Variants in ICA1 observed in about 807,000 individuals in gnomAD.
The protein encoded by ICA1 is islet cell autoantigen 1.
Under a neutral mutation model 71.0 loss-of-function variants are expected in ICA1, and 40 were observed. The observed-to-expected ratio is 0.56, with a 90% confidence interval of 0.44 to 0.73. The LOEUF (loss-of-function observed/expected upper bound fraction) is 0.73, where lower values mean the gene tolerates loss of function less well. ICA1 is among the 30% of genes least tolerant of loss of function. The pLI is 0.00. For missense variants in ICA1, 578 were observed against 576.5 expected (o/e 1.00, Z -0.03); for synonymous variants, 207 against 209.5 (o/e 0.99, Z 0.10).
chr7:8,169,728 A>G (rs1217046802), intron 6 of ICA1, among the ~76,000 whole-genome samples: 1 of 152,086 alleles, frequency 6.6e-6, no homozygotes, highest in Non-Finnish European at 1.5e-5. Flanking sequence ...AGTTCTTTAT[A>G]TGTTCTAAAT....
chr7:8,228,443 T>C (rs1170808609), intron 4 of ICA1, among the ~76,000 whole-genome samples, 158 bp downstream of exon 4: 1 of 152,180 alleles, frequency 6.6e-6, no homozygotes, highest in Non-Finnish European at 1.5e-5. Flanking sequence ...AAATAAGCTA[T>C]GTATATTATT....
rs377212435 is a variant in ICA1, at chr7:8,175,663, T to C, written c.580-17011A>G. 1.7e-3 allele frequency among the ~76,000 whole-genome samples: 258 copies of C among 152,348 alleles called. 1 individual carries two copies. Among genetic ancestry groups the C allele is most frequent in the African/African-American group, 5.7e-3 (236 of 41,580 alleles). On this transcript the variant is annotated intron_variant, in intron 6 of 13. Coordinates refer to ENST00000402384, the MANE Select transcript of ICA1 (RefSeq NM_001136020.3). Reference sequence around the variant, plus strand: ...AAAAGCCACCAAACTTTTTCCCTACTTGCTCTTCAGAAGTTCAGGTTTATA... The same window carrying C: ...AAAAGCCACCAAACTTTTTCCCTACCTGCTCTTCAGAAGTTCAGGTTTATA...
At position 8,215,817 on chromosome 7, in the gene ICA1, G is replaced by T. The variant is rs568571622; in HGVS notation, c.579+2488C>A. ...GGTGGCAGCCGGCCCCGAGGAGACT[G>T]AAACTCCCCCTCCCACAGTCACTCC... On this transcript the variant is annotated intron_variant, in intron 6 of 13. Coordinates refer to ENST00000402384, the MANE Select transcript of ICA1 (RefSeq NM_001136020.3). Among the ~76,000 whole-genome samples the T allele has an allele frequency of 2.0e-4, 30 of 152,306 alleles. No individual in the cohort carries two copies. The South Asian group carries it at 6.0e-3, about 31-fold the overall frequency.
intron 6 of ICA1, among the ~76,000 whole-genome samples, chr7:8,187,439 T>C (rs1192080520): frequency 6.6e-6 from 1 of 152,150 alleles, no homozygotes; most frequent in Non-Finnish European, 1.5e-5. Context: ...CAAATGGAGC[T>C]TGCAGGCCTG....
intron 12 of ICA1, among the ~76,000 whole-genome samples, chr7:8,131,515 T>G (rs1791435805): frequency 6.6e-6 from 1 of 152,214 alleles, no homozygotes; most frequent in Non-Finnish European, 1.5e-5. Context: ...GAATTTAGCC[T>G]TTTATTTGGC....
At chr7:8,114,616 C>G (rs1295390279) in intron 13 of ICA1, among the ~76,000 whole-genome samples, 1 of 152,172 alleles carries the variant, frequency 6.6e-6, no homozygotes, top group Non-Finnish European at 1.5e-5. Flanking sequence ...TTCCCTTCTC[C>G]CAGGGGGTCA....
intron 1 of ICA1, among the ~76,000 whole-genome samples, chr7:8,236,558 A>T (rs977474070): frequency 2.0e-5 from 3 of 152,200 alleles, no homozygotes; most frequent in African/African-American, 7.2e-5. Flanking sequence ...AAACCAGCAC[A>T]TTGCAAAAAT....
intron 8 of ICA1, among the ~76,000 whole-genome samples, chr7:8,154,339 G>A (rs780251390): frequency 2.4e-4 from 36 of 152,276 alleles, no homozygotes; most frequent in Non-Finnish European, 4.6e-4. Context: ...CTGTAATTCT[G>A]TAGCAAAAAA....
At chr7:8,137,721 G>A (rs946327898) in intron 12 of ICA1, among the ~76,000 whole-genome samples, 7 of 152,178 alleles carry the variant, frequency 4.6e-5, no homozygotes, top group East Asian at 1.9e-4. Context: ...GCTACCTGTC[G>A]TAAGACAGTA....
At position 8,158,529 on chromosome 7, in the gene ICA1, G is replaced by A; in HGVS notation, c.703C>T (p.Gln235Ter). 5.6e-6 allele frequency: 9 copies of A among 1,613,812 alleles called. No individual in the cohort carries two copies. Among genetic ancestry groups the A allele is most frequent in the Non-Finnish European group, 7.6e-6 (9 of 1,179,878 alleles). ...NLLSHMLATY[Q>*]TTLLHFWEKT... ...TGCAACAAACATTATTTTGTTACCT[G>A]GTATGTTGCTAGCATGTGAGACAAG... The change falls in exon 7 of 14, where the codon CAG (glutamine) becomes TAG (stop). Residue 235 changes from glutamine to a stop codon, truncating the protein, a stop_gained and splice_region_variant. Transcript: ENST00000402384. LOFTEE classifies it high-confidence loss of function.
chr7:8,227,095 C>T (rs1798818394), intron 4 of ICA1, among the ~76,000 whole-genome samples: 1 of 152,078 alleles, frequency 6.6e-6, no homozygotes, highest in Non-Finnish European at 1.5e-5. Context: ...TTGTTTTCTA[C>T]CATAACAATG....
chr7:8,233,055 C>T (rs1035662074), intron 2 of ICA1, among the ~76,000 whole-genome samples: 1 of 152,092 alleles, frequency 6.6e-6, no homozygotes, highest in Admixed American at 6.6e-5. Context: ...GAGGTGGAGA[C>T]AGTGAGATCA....
intron 3 of ICA1, among the ~76,000 whole-genome samples, chr7:8,230,584 G>A (rs150335836): frequency 2.3e-3 from 344 of 152,126 alleles, no homozygotes; most frequent in African/African-American, 7.8e-3. Context: ...AGGTACATTT[G>A]GTTCAGCCAA....
rs573325845 is a variant in ICA1, at chr7:8,151,235, G to C, written c.804+5881C>G. Among the ~76,000 whole-genome samples the C allele has an allele frequency of 7.9e-5, 12 of 152,348 alleles. No individual in the cohort carries two copies. In the South Asian group the frequency reaches 2.5e-3, roughly 32 times the overall value. ...TCCCTTTCCCCTCAGGGAGGAGTTA[G>C]GGAATGAGAGAGGTGGGGGATGGAG... On this transcript the variant is annotated intron_variant, in intron 8 of 13. Coordinates refer to ENST00000402384, the MANE Select transcript of ICA1 (RefSeq NM_001136020.3).
At chr7:8,114,127 A>T (rs1784024524) in intron 13 of ICA1, 83 bp from the exon 14 acceptor site, 13 of 1,434,200 alleles carry the variant, frequency 9.1e-6, no homozygotes, top group African/African-American at 1.4e-5. Context: ...GGTCCAGGTC[A>T]TCTTCAAATG....
intron 6 of ICA1, among the ~76,000 whole-genome samples, chr7:8,196,870 C>A (rs62433176): frequency 1.3e-5 from 2 of 151,906 alleles, no homozygotes; most frequent in East Asian, 3.9e-4. Context: ...ATATATCTCA[C>A]GAGATCTGAT....
At position 8,261,234 on chromosome 7, in the gene ICA1, G is replaced by C. The variant is rs3823814; in HGVS notation, c.-80+860C>G. 1.2e-3 allele frequency among the ~76,000 whole-genome samples: 180 copies of C among 152,268 alleles called. 5 individuals are homozygous for C. The East Asian group carries it at 0.032, about 27-fold the overall frequency. ...ACCAGGCAGTTAATGCCCTTCGCCA[G>C]AATAAGGGCGCGATACTTTTAAGAC... On this transcript the variant is annotated intron_variant, in intron 1 of 13. Transcript: ENST00000402384.
intron 9 of ICA1, among the ~76,000 whole-genome samples, chr7:8,143,558 G>A (rs533803661): frequency 6.6e-6 from 1 of 152,200 alleles, no homozygotes; most frequent in Non-Finnish European, 1.5e-5. Context: ...ACCAGAGAAA[G>A]TGCAAAGCTG....
Position 8,173,615 on chromosome 7 carries a change from G to A in ICA1, c.580-14963C>T, listed in dbSNP as rs971943500. 6.6e-6 allele frequency among the ~76,000 whole-genome samples: 1 copy of A among 152,232 alleles called. No individual in the cohort carries two copies. The highest frequency in any genetic ancestry group is 1.5e-5 in the Non-Finnish European group (1 of 68,030). ...GACAAGGGAGTTATTCATTGCTGAAGCATTCCAACTAATAAATGAAGAAGG... is the reference window on the plus strand; with the variant it reads ...GACAAGGGAGTTATTCATTGCTGAAACATTCCAACTAATAAATGAAGAAGG... On this transcript the variant is annotated intron_variant, in intron 6 of 13. Transcript: ENST00000402384. This position sits in a 1 kb window ranked among gnomAD's most constrained non-coding sequence, Gnocchi z 4.0.
Sources: gnomAD v4.1 joint callset for allele counts (sites outside exome capture counted in the v4.1 genomes callset) on GRCh38, gnomAD v4.1.1 for gene constraint, Gnocchi (gnomAD v3.1) non-coding constraint, MANE v1.5 for transcripts, NCBI Gene and HGNC (gene_info 2026-07-23, HGNC 2026-07-21) for gene names.